OXR1: variants seen among roughly 807,000 people sequenced by gnomAD.
OXR1 encodes oxidation resistance protein 1.
Under a neutral mutation model 104.6 loss-of-function variants are expected in OXR1, and 41 were observed. That is an observed-to-expected ratio of 0.39 (90% confidence interval 0.31 to 0.51). The LOEUF is 0.51. OXR1 is among the 20% of genes least tolerant of loss of function. The pLI, the probability that OXR1 is intolerant of heterozygous loss-of-function variation, is 0.77. For synonymous variants in OXR1, 348 were observed against 348.4 expected, an observed-to-expected ratio of 1.00 and a Z score of 0.01; for missense variants, 955 against 1,031.9, an observed-to-expected ratio of 0.93 and a Z score of 1.02.
chr8:106,469,136 T>G (rs1216505577), intron 2 of OXR1, among the ~76,000 whole-genome samples: 1 of 151,752 alleles, frequency 6.6e-6, no homozygotes, highest in African/African-American at 2.4e-5. Context: ...ATAACCAAAG[T>G]CAACAGAAAG....
intron 1 of OXR1, among the ~76,000 whole-genome samples, chr8:106,338,057 A>C (rs931755611): frequency 2.6e-5 from 4 of 152,198 alleles, no homozygotes; most frequent in African/African-American, 9.7e-5. Context: ...CTGTTAAACA[A>C]AATTATAGGA....
intron 10 of OXR1, among the ~76,000 whole-genome samples, chr8:106,713,071 CT>C (rs1030618114): frequency 6.6e-6 from 1 of 151,752 alleles, no homozygotes; most frequent in Admixed American, 6.6e-5. Context: ...AATGTAGCAC[CT>C]TTTAAATATG....
intron 2 of OXR1, among the ~76,000 whole-genome samples, chr8:106,413,258 T>A (rs1472993447): frequency 2.0e-5 from 3 of 152,098 alleles, no homozygotes; most frequent in African/African-American, 7.2e-5. Context: ...ACATAGTCAT[T>A]TGCTGTAAGT....
At chr8:106,330,632 G>T (rs181023191) in intron 1 of OXR1, among the ~76,000 whole-genome samples, 3 of 152,204 alleles carry the variant, frequency 2.0e-5, no homozygotes, top group African/African-American at 7.2e-5. Flanking sequence ...ACTGCTGGAT[G>T]TTAAGAACTT....
intron 2 of OXR1, among the ~76,000 whole-genome samples, chr8:106,443,417 A>G (rs1046438335): frequency 6.6e-6 from 1 of 152,082 alleles, no homozygotes; most frequent in African/African-American, 2.4e-5. Flanking sequence ...GTAGATGTCT[A>G]CTAAGTCTAC....
intron 1 of OXR1, among the ~76,000 whole-genome samples, chr8:106,302,407 C>A (rs1791617002): frequency 6.6e-6 from 1 of 151,872 alleles, no homozygotes; most frequent in Admixed American, 6.6e-5. Flanking sequence ...ACGGTGAAAC[C>A]CCGTCTCTAC....
At chr8:106,624,113 G>A (rs1190258529) in intron 3 of OXR1, among the ~76,000 whole-genome samples, 2 of 151,960 alleles carry the variant, frequency 1.3e-5, no homozygotes, top group South Asian at 2.1e-4. Flanking sequence ...TCAGGTTTTC[G>A]ACCAATTATT....
intron 3 of OXR1, among the ~76,000 whole-genome samples, chr8:106,673,823 T>C (rs1388824342): frequency 1.3e-5 from 2 of 152,184 alleles, no homozygotes; most frequent in African/African-American, 4.8e-5. Context: ...AGGATACAAG[T>C]CCTAAGCCTT....
chr8:106,626,419 T>C (rs1822166846), intron 3 of OXR1, among the ~76,000 whole-genome samples: 1 of 151,920 alleles, frequency 6.6e-6, no homozygotes, highest in South Asian at 2.1e-4. Context: ...CTGTATGGCA[T>C]GGCCTTGATT....
intron 3 of OXR1, among the ~76,000 whole-genome samples, chr8:106,591,758 A>G (rs960659964): frequency 7.9e-5 from 12 of 152,212 alleles, no homozygotes; most frequent in Admixed American, 7.9e-4. Flanking sequence ...GAAACCAAAA[A>G]TGAGTTTTTC....
chr8:106,436,468 G>A (rs1819574227), intron 2 of OXR1, among the ~76,000 whole-genome samples: 1 of 151,040 alleles, frequency 6.6e-6, no homozygotes, highest in South Asian at 2.1e-4. Flanking sequence ...TTATGAATAT[G>A]AGCTCAATTA....
chr8:106,307,538 A>C (rs1159492618), intron 1 of OXR1, among the ~76,000 whole-genome samples: 1 of 150,504 alleles, frequency 6.6e-6, no homozygotes, highest in Non-Finnish European at 1.5e-5. Context: ...TCCCATACTC[A>C]CTGGCCTAAG....
intron 3 of OXR1, among the ~76,000 whole-genome samples, chr8:106,586,445 A>G (rs926433983): frequency 1.3e-5 from 2 of 152,202 alleles, no homozygotes; most frequent in Non-Finnish European, 2.9e-5. Flanking sequence ...ACAGGTTTGC[A>G]GAGAATTCAG....
intron 11 of OXR1, chr8:106,720,722 A>G: frequency 1.0e-6 from 1 of 977,370 alleles, no homozygotes; most frequent in South Asian, 4.7e-5. Context: ...AAGGAGAGGA[A>G]GATCAAAAAA....
chr8:106,456,411 A>G (rs1227635952), intron 2 of OXR1, among the ~76,000 whole-genome samples: 1 of 152,212 alleles, frequency 6.6e-6, no homozygotes, highest in African/African-American at 2.4e-5. Flanking sequence ...TTATCTTAAA[A>G]AAGCATTGGA....
intron 3 of OXR1, among the ~76,000 whole-genome samples, chr8:106,654,020 A>G (rs1456497993): frequency 6.6e-6 from 1 of 152,112 alleles, no homozygotes; most frequent in Admixed American, 6.5e-5. Context: ...AAAAAAGTAC[A>G]AGATTTATAC....
chr8:106,727,532 C>T (rs1833463523), intron 11 of OXR1, among the ~76,000 whole-genome samples: 1 of 152,100 alleles, frequency 6.6e-6, no homozygotes, highest in Non-Finnish European at 1.5e-5. Context: ...ATCTTCCTGC[C>T]TCAGCCCGGC....
intron 2 of OXR1, among the ~76,000 whole-genome samples, chr8:106,362,526 T>A (rs1025807476): frequency 3.3e-5 from 5 of 152,150 alleles, no homozygotes; most frequent in Admixed American, 6.6e-5. Flanking sequence ...ATAAATAATT[T>A]AGCCATTTCA....
intron 2 of OXR1, among the ~76,000 whole-genome samples, chr8:106,505,691 A>G (rs1355728254): frequency 6.6e-6 from 1 of 152,160 alleles, no homozygotes; most frequent in Non-Finnish European, 1.5e-5. Context: ...TGGAGGTAAG[A>G]GCATATGCAA....
Sources: allele counts gnomAD v4.1 joint callset (sites outside exome capture counted in the v4.1 genomes callset), GRCh38; gene constraint gnomAD v4.1.1; transcripts MANE v1.5; gene names NCBI Gene and HGNC (gene_info 2026-07-23, HGNC 2026-07-21).